The following UNC13A variants were observed in gnomAD, a reference collection of about 807,000 sequenced individuals.
UNC13A encodes the protein unc-13 homolog A.
A neutral mutation model predicts 219.7 loss-of-function variants in UNC13A; 61 were observed. The observed-to-expected ratio is 0.28, with a 90% CI of 0.23 to 0.34. The LOEUF (loss-of-function observed/expected upper bound fraction) is 0.34. UNC13A is among the 10% of genes least tolerant of loss of function. UNC13A has a pLI of 1.00. For synonymous variants in UNC13A, 920 were observed against 884.6 expected (o/e 1.04, Z -0.71); for missense variants, 1,476 against 2,270.3 (o/e 0.65, Z 7.11).
intron 28 of UNC13A, among the ~76,000 whole-genome samples, chr19:17,631,207 CCTTCCTTCCTTCCTT>C (rs1476950171): frequency 8.8e-4 from 46 of 52,334 alleles, no homozygotes; most frequent in African/African-American, 2.2e-3. Context: ...TCCCTCCCTT[CCTTCCTTCCTTCCTT>C]CTTCCTTCCT....
At position 17,630,767 on chromosome 19, in the gene UNC13A, G is replaced by A. The variant is rs2076834599; in HGVS notation, c.3429-17C>T. ...TCAAACCATCTGGAATGAAGAGCCG[G>A]GGTGGGGCTCTGCCACCTCTTGTCC... On this transcript the variant is annotated splice_polypyrimidine_tract_variant and intron_variant, in intron 28 of 43. Coordinates refer to ENST00000519716, the MANE Select transcript of UNC13A (RefSeq NM_001080421.3). 1.2e-6 allele frequency: 2 copies of A among 1,608,634 alleles called. No individual in the cohort carries two copies. The highest frequency in any genetic ancestry group is 2.2e-5 in the South Asian group (2 of 90,794).
rs1171680066 is a variant in UNC13A at position 17,602,564 on chromosome 19, T to G, written c.*3490A>C. 1 of 152,302 alleles carries G rather than the reference T, an allele frequency of 6.6e-6. No homozygotes were observed. Among genetic ancestry groups the G allele is most frequent in the Non-Finnish European group, 1.5e-5 (1 of 68,078 alleles). The allele number at this position is 152,302 out of a possible 1,614,324, so 9.4% of individuals were successfully genotyped here. On this transcript the variant is annotated 3_prime_UTR_variant, in exon 44 of 44. Transcript: ENST00000519716. ...AGGTGTCATCCAAGGCCGGGCTCTG[T>G]GTCCACTTGCTGGGTGGCGTTGAGG... is the stretch of plus-strand genomic sequence containing the variant.
At chr19:17,628,024 G>T in intron 31 of UNC13A, 84 bp from the exon 32 acceptor site, 2 of 1,362,626 alleles carry the variant, frequency 1.5e-6, no homozygotes, top group Non-Finnish European at 1.0e-6. Context: ...ACCTTGGGAT[G>T]GTTTCAGGGT....
Position 17,605,766 on chromosome 19 carries a change from C to A in UNC13A, c.*288G>T. ...CTCCTCCATAGGGACGAGGTTTCCC[C>A]CATCCCAGCTCAAAATGCCCCCTAG... On this transcript the variant is annotated 3_prime_UTR_variant, in exon 44 of 44. Transcript: ENST00000519716. 2 of 380,612 alleles carry A rather than the reference C, an allele frequency of 5.3e-6. No homozygotes were observed. Among genetic ancestry groups the A allele is most frequent in the South Asian group, 6.4e-5 (1 of 15,734 alleles). 23.6% of individuals were successfully genotyped at this position (380,612 alleles called of 1,614,324 possible).
At chr19:17,678,180 C>T (rs1301231973) in intron 1 of UNC13A, among the ~76,000 whole-genome samples, 1 of 152,108 alleles carries the variant, frequency 6.6e-6, no homozygotes, top group Non-Finnish European at 1.5e-5. Flanking sequence ...AAACACATGT[C>T]AGTAAAGACT....
intron 26 of UNC13A, among the ~76,000 whole-genome samples, chr19:17,634,851 C>T (rs533941760): frequency 4.9e-4 from 74 of 152,134 alleles, no homozygotes; most frequent in South Asian, 6.2e-4. Flanking sequence ...TGTACCACCA[C>T]GCCCGGTTAA....
chr19:17,629,789 C>T (rs1434178350), intron 30 of UNC13A, among the ~76,000 whole-genome samples: 2 of 152,048 alleles, frequency 1.3e-5, no homozygotes, highest in Non-Finnish European at 2.9e-5. Context: ...AAACTCCAAC[C>T]AAACAGCATT....
At chr19:17,646,165 G>C (rs2077023939) in intron 17 of UNC13A, 54 bp from the exon 18 acceptor site, 5 of 1,603,080 alleles carry the variant, frequency 3.1e-6, no homozygotes, top group Non-Finnish European at 4.3e-6. Context: ...GAGGCATGCT[G>C]GGGACAGTCA....
chr19:17,652,370 G>A (rs1223730756), intron 12 of UNC13A, among the ~76,000 whole-genome samples: 1 of 152,084 alleles, frequency 6.6e-6, no homozygotes. Flanking sequence ...GACCTCAAAT[G>A]ATCCTCCCGC....
chr19:17,628,241 G>C (rs1214838870), intron 31 of UNC13A: 2 of 440,974 alleles, frequency 4.5e-6, no homozygotes, highest in African/African-American at 4.0e-5. Flanking sequence ...TTTCCTGCAA[G>C]AGCCCAAAGC....
chr19:17,668,038 CAGCATCTGTA>C, intron 6 of UNC13A, 69 bp downstream of exon 6: 2 of 1,441,272 alleles, frequency 1.4e-6, no homozygotes, highest in South Asian at 2.4e-5. Flanking sequence ...TAGAGAGAAA[CAGCATCTGTA>C]AGTGAAAATC....
chr19:17,669,865 C>G (rs1312736966), intron 4 of UNC13A, among the ~76,000 whole-genome samples, 189 bp from the exon 5 acceptor site: 3 of 150,860 alleles, frequency 2.0e-5, no homozygotes, highest in Non-Finnish European at 4.4e-5. Flanking sequence ...TGCTTCCTTC[C>G]TTTCTTTCTT....
intron 1 of UNC13A, among the ~76,000 whole-genome samples, chr19:17,679,267 G>A (rs765427437): frequency 4.6e-5 from 7 of 152,064 alleles, no homozygotes; most frequent in Non-Finnish European, 1.0e-4. Flanking sequence ...GGGCATGATG[G>A]TGCACGCCTG....
Position 17,671,998 on chromosome 19 carries a change from A to G in UNC13A, c.270+380T>C, listed in dbSNP as rs141341288. Among the ~76,000 whole-genome samples the G allele has an allele frequency of 1.9e-3, 289 of 152,166 alleles. 2 individuals are homozygous for G. Among genetic ancestry groups the G allele is most frequent in the African/African-American group, 6.5e-3 (270 of 41,540 alleles). On this transcript the variant is annotated intron_variant, in intron 4 of 43. Coordinates refer to ENST00000519716, the MANE Select transcript of UNC13A (RefSeq NM_001080421.3). ...CTAGGGAAGCACAGCCCAGGACTAC[A>G]TTTTCCAGCCTAGGACTACATTTCC...
chr19:17,612,171 G>A (rs2076611406), intron 41 of UNC13A: 2 of 219,526 alleles, frequency 9.1e-6, no homozygotes, highest in East Asian at 2.0e-4. Context: ...ATTACATCTT[G>A]GCAGCATCTG....
Position 17,615,866 on chromosome 19 carries a change from C to T in UNC13A, c.4558+1836G>A, listed in dbSNP as rs1433900177. 4.6e-5 allele frequency among the ~76,000 whole-genome samples: 7 copies of T among 152,010 alleles called. No individual in the cohort carries two copies. In the South Asian group the frequency reaches 6.2e-4, roughly 14 times the overall value. ...ACGTGTGCCTGTAGTCCCAGCTCCT[C>T]GGGAGGCTGGGGCAGGAGGATCACT... is the stretch of plus-strand genomic sequence containing the variant. On this transcript the variant is annotated intron_variant, in intron 41 of 43. Coordinates refer to ENST00000519716, the MANE Select transcript of UNC13A (RefSeq NM_001080421.3).
intron 41 of UNC13A, chr19:17,616,293 G>C: frequency 1.7e-6 from 1 of 593,616 alleles, no homozygotes; most frequent in Non-Finnish European, 3.0e-6. Flanking sequence ...AGGCCTGGGC[G>C]GCGGCCCTGC....
At chr19:17,610,340 C>A (rs924658705) in intron 42 of UNC13A, among the ~76,000 whole-genome samples, 1 of 152,086 alleles carries the variant, frequency 6.6e-6, no homozygotes, top group East Asian at 1.9e-4. Flanking sequence ...GTGGCACGCG[C>A]CTGTAGTCCC....
intron 1 of UNC13A, among the ~76,000 whole-genome samples, chr19:17,681,407 T>C (rs534112470): frequency 5.3e-5 from 8 of 152,050 alleles, no homozygotes; most frequent in Non-Finnish European, 1.0e-4. Flanking sequence ...GTGTGTGATG[T>C]TGGTGGAGGG....
Sources: allele counts gnomAD v4.1 joint callset (sites outside exome capture counted in the v4.1 genomes callset), GRCh38; gene constraint gnomAD v4.1.1; transcripts MANE v1.5; gene names NCBI Gene and HGNC (gene_info 2026-07-23, HGNC 2026-07-21).